The following MBD2 variants were observed in gnomAD, a reference collection of about 807,000 sequenced individuals.
MBD2 encodes the protein methyl-CpG-binding domain protein 2.
MBD2 carries 9 observed loss-of-function variants against 39.3 expected under a neutral mutation model. That is an observed-to-expected ratio of 0.23 (90% CI 0.14 to 0.40). The LOEUF (loss-of-function observed/expected upper bound fraction) is 0.40, where lower values mean the gene tolerates loss of function less well. Among genes scored for constraint, MBD2 ranks in the 10% least tolerant of loss-of-function variants. The probability of loss-of-function intolerance (pLI) is 1.00; values close to 1 mark genes in which losing one functional copy is unlikely to be tolerated. For synonymous variants in MBD2, 233 were observed against 211.1 expected (o/e 1.10, Z -0.90); for missense variants, 458 against 532.6 (o/e 0.86, Z 1.38).
rs1167306680 is a variant in MBD2 at position 54,153,398 on chromosome 18, C to T, written c.*1926G>A. 1 of 151,802 alleles carries T rather than the reference C, an allele frequency of 6.6e-6. No homozygotes were observed. Among genetic ancestry groups the T allele is most frequent in the Non-Finnish European group, 1.5e-5 (1 of 67,994 alleles). The allele number at this position is 151,802 out of a possible 1,614,324, so 9.4% of individuals were successfully genotyped here. ...ACACCCTGGACTTATGGGATGGTCCCCAAGGGACACCATATAATGGCTTTC... is the reference window on the plus strand; with the variant it reads ...ACACCCTGGACTTATGGGATGGTCCTCAAGGGACACCATATAATGGCTTTC... On this transcript the variant is annotated 3_prime_UTR_variant, in exon 7 of 7. Coordinates refer to ENST00000256429, the MANE Select transcript of MBD2 (RefSeq NM_003927.5).
At chr18:54,189,781 CTGGGACTATAG>C (rs1229099320) in intron 2 of MBD2, among the ~76,000 whole-genome samples, 1 of 152,072 alleles carries the variant, frequency 6.6e-6, no homozygotes, top group Non-Finnish European at 1.5e-5. Flanking sequence ...TCCCGAGTAG[CTGGGACTATAG>C]GCAGTGCCAC....
chr18:54,160,393 A>G (rs35362298), intron 5 of MBD2, among the ~76,000 whole-genome samples: 61,185 of 151,456 alleles, frequency 0.4, 12,599 homozygotes, highest in East Asian at 0.56. Context: ...TCTCTCCTGG[A>G]TTCTGAGGTC....
At chr18:54,159,032 G>C (rs552023767) in intron 6 of MBD2, among the ~76,000 whole-genome samples, 4 of 152,176 alleles carry the variant, frequency 2.6e-5, no homozygotes, top group Non-Finnish European at 5.9e-5. Flanking sequence ...GAAAAAGAAA[G>C]AGATTTTGCC....
intron 3 of MBD2, among the ~76,000 whole-genome samples, chr18:54,171,195 A>T (rs2144289983): frequency 6.6e-6 from 1 of 152,186 alleles, no homozygotes; most frequent in Middle Eastern, 3.4e-3. Flanking sequence ...TGAGGTCAGG[A>T]GTTCGAGACC....
intron 2 of MBD2, chr18:54,202,985 A>T (rs540378576): frequency 2.0e-6 from 2 of 999,544 alleles, no homozygotes; most frequent in Non-Finnish European, 3.2e-6. Context: ...GATGAGTAGG[A>T]GTTCACCAGA....
intron 1 of MBD2, among the ~76,000 whole-genome samples, chr18:54,218,933 G>A (rs556354854): frequency 6.7e-6 from 1 of 149,686 alleles, no homozygotes; most frequent in Non-Finnish European, 1.5e-5. Flanking sequence ...CTGCACTCCA[G>A]CCTAGGTGAC....
At chr18:54,187,941 C>T (rs752086260) in intron 3 of MBD2, 50 of 752,480 alleles carry the variant, frequency 6.6e-5, no homozygotes, top group Non-Finnish European at 7.8e-5. Context: ...TTTATGAAGT[C>T]TGGAGATGAG....
At chr18:54,159,676 C>G in intron 6 of MBD2, 89 bp downstream of exon 6, 2 of 1,473,720 alleles carry the variant, frequency 1.4e-6, no homozygotes, top group Admixed American at 3.6e-5. Context: ...CCTCAGCCAC[C>G]CAAGTGCTGG....
intron 1 of MBD2, among the ~76,000 whole-genome samples, chr18:54,208,322 ATC>A (rs1334661264): frequency 6.6e-6 from 1 of 151,938 alleles, no homozygotes; most frequent in East Asian, 1.9e-4. Context: ...GAGAAAACCC[ATC>A]TCTACTAAAA....
At chr18:54,160,428 G>C (rs998718195) in intron 5 of MBD2, among the ~76,000 whole-genome samples, 9 of 151,956 alleles carry the variant, frequency 5.9e-5, no homozygotes, top group Admixed American at 2.0e-4. Flanking sequence ...CAGCATGAAG[G>C]AGCCAAGACT....
intron 3 of MBD2, among the ~76,000 whole-genome samples, chr18:54,184,784 C>G (rs1476840944): frequency 6.6e-6 from 1 of 152,180 alleles, no homozygotes. Context: ...TAGCACTTGC[C>G]TGTACTACTC....
intron 3 of MBD2, among the ~76,000 whole-genome samples, chr18:54,177,278 TG>T (rs2086218270): frequency 6.6e-6 from 1 of 152,218 alleles, no homozygotes; most frequent in Non-Finnish European, 1.5e-5. Flanking sequence ...TTTATGAAGA[TG>T]GGGGCATGTT....
intron 5 of MBD2, among the ~76,000 whole-genome samples, chr18:54,160,456 G>A (rs973547252): frequency 2.0e-5 from 3 of 151,926 alleles, no homozygotes; most frequent in East Asian, 1.9e-4. Context: ...CCTGCACACC[G>A]AGGACAGACA....
At chr18:54,220,349 A>G (rs1199756663) in intron 1 of MBD2, among the ~76,000 whole-genome samples, 1 of 152,104 alleles carries the variant, frequency 6.6e-6, no homozygotes, top group Non-Finnish European at 1.5e-5. Context: ...AACCACCACA[A>G]CACTATCAGT....
intron 3 of MBD2, among the ~76,000 whole-genome samples, chr18:54,173,196 C>A (rs1012668310): frequency 6.6e-6 from 1 of 152,136 alleles, no homozygotes; most frequent in East Asian, 1.9e-4. Flanking sequence ...CTCCCCTCCT[C>A]CAGGCCAGAC....
chr18:54,174,807 CAG>C (rs2086200422), intron 3 of MBD2, among the ~76,000 whole-genome samples: 2 of 152,308 alleles, frequency 1.3e-5, no homozygotes, highest in Admixed American at 6.5e-5. Flanking sequence ...AGTGTCTGTA[CAG>C]AGAGATTTTA....
chr18:54,215,110 A>G (rs2086546018), intron 1 of MBD2, among the ~76,000 whole-genome samples: 1 of 152,166 alleles, frequency 6.6e-6, no homozygotes, highest in Non-Finnish European at 1.5e-5. Flanking sequence ...TTATCCATCC[A>G]AGATTAACAC....
At chr18:54,200,218 T>C (rs1299439852) in intron 2 of MBD2, among the ~76,000 whole-genome samples, 1 of 151,998 alleles carries the variant, frequency 6.6e-6, no homozygotes, top group African/African-American at 2.4e-5. Context: ...CTTTCCAAGA[T>C]ACCAGTAGTA....
At chr18:54,214,317 T>G (rs2086537202) in intron 1 of MBD2, among the ~76,000 whole-genome samples, 1 of 152,016 alleles carries the variant, frequency 6.6e-6, no homozygotes, top group South Asian at 2.1e-4. Flanking sequence ...CACCTCAGCC[T>G]CCAGAGTAGC....
Sources: allele counts gnomAD v4.1 joint callset (sites outside exome capture counted in the v4.1 genomes callset), GRCh38; gene constraint gnomAD v4.1.1; transcripts MANE v1.5; gene names NCBI Gene and HGNC (gene_info 2026-07-23, HGNC 2026-07-21).